TTLL5: variants seen among roughly 807,000 people sequenced by gnomAD.
TTLL5 encodes the protein tubulin polyglutamylase TTLL5.
TTLL5 carries 132 observed loss-of-function variants against 168.4 expected under a neutral mutation model. The ratio of observed to expected loss-of-function variants is 0.78; its 90% CI spans 0.68 to 0.91. The LOEUF (loss-of-function observed/expected upper bound fraction) is 0.91. Among genes scored for constraint, TTLL5 ranks in the 40% least tolerant of loss-of-function variants. The pLI, the probability that TTLL5 is intolerant of heterozygous loss-of-function variation, is 0.00. For missense variants in TTLL5, 1,545 were observed against 1,581.5 expected (o/e 0.98, Z 0.39); for synonymous variants, 546 against 558.6 (o/e 0.98, Z 0.32).
At chr14:75,878,485 T>G (rs1369460255) in intron 29 of TTLL5, among the ~76,000 whole-genome samples, 1 of 152,214 alleles carries the variant, frequency 6.6e-6, no homozygotes, top group African/African-American at 2.4e-5. Context: ...CAGCCGAGTC[T>G]GCCCATTTAA....
chr14:75,841,144 C>T (rs544603141), intron 28 of TTLL5, among the ~76,000 whole-genome samples: 1 of 152,330 alleles, frequency 6.6e-6, no homozygotes, highest in South Asian at 2.1e-4. Context: ...ATCCAATCAC[C>T]TCCCACCAGG....
At chr14:75,680,993 C>G (rs1247054010) in intron 3 of TTLL5, among the ~76,000 whole-genome samples, 4 of 151,944 alleles carry the variant, frequency 2.6e-5, no homozygotes, top group African/African-American at 7.3e-5. Flanking sequence ...AGCCCATGGG[C>G]CTCTTCGCAG....
intron 6 of TTLL5, among the ~76,000 whole-genome samples, chr14:75,690,760 C>T (rs556277309): frequency 7.2e-5 from 11 of 152,126 alleles, no homozygotes; most frequent in African/African-American, 2.6e-4. Context: ...GCTGGGAATA[C>T]AGGCATGCAC....
intron 18 of TTLL5, among the ~76,000 whole-genome samples, chr14:75,759,252 T>C (rs1890477976): frequency 6.6e-6 from 1 of 152,188 alleles, no homozygotes; most frequent in Non-Finnish European, 1.5e-5. Flanking sequence ...AGCAACTTTA[T>C]TCCATTACTT....
At chr14:75,914,033 A>AAAAAAAAAAAAAAAAAAAATATAT in intron 31 of TTLL5, among the ~76,000 whole-genome samples, 1 of 71,118 alleles carries the variant, frequency 1.4e-5, no homozygotes, top group Non-Finnish European at 2.1e-5. Flanking sequence ...AAAAAAAAAA[A>AAAAAAAAAAAAAAAAAAAATATAT]ATATATATAT....
chr14:75,838,301 T>C (rs1202565131), intron 28 of TTLL5: 2 of 151,086 alleles, frequency 1.3e-5, no homozygotes, highest in African/African-American at 4.9e-5. Context: ...ACACCTGTAA[T>C]CCCAGCACTT....
chr14:75,924,592 G>T (rs914863548), intron 31 of TTLL5, among the ~76,000 whole-genome samples: 1 of 151,852 alleles, frequency 6.6e-6, no homozygotes, highest in Non-Finnish European at 1.5e-5. Context: ...GAGAGCACAG[G>T]GTTGGGGGTA....
At position 75,954,745 on chromosome 14, in the gene TTLL5, A is replaced by C; in HGVS notation, c.*299A>C. ...GTATCTTTTACCTTCCCTTTGCCCCATGCCCCCAAACTGCTTAGGTCTTCT... is the reference window on the plus strand; with the variant it reads ...GTATCTTTTACCTTCCCTTTGCCCCCTGCCCCCAAACTGCTTAGGTCTTCT... On this transcript the variant is annotated 3_prime_UTR_variant, in exon 32 of 32. Coordinates refer to ENST00000298832, the MANE Select transcript of TTLL5 (RefSeq NM_015072.5). 2.3e-6 allele frequency: 1 copy of C among 441,352 alleles called. No homozygotes were observed. Among genetic ancestry groups the C allele is most frequent in the Non-Finnish European group, 4.1e-6 (1 of 244,500 alleles). The allele number at this position is 441,352 out of a possible 1,614,324, so 27.3% of individuals were successfully genotyped here. A position where few individuals can be genotyped will look rare whatever the true frequency, so the allele number is the denominator to read the frequency against.
chr14:75,925,646 G>T lies in TTLL5; in HGVS notation c.3823+23422G>T, dbSNP rs2034023742. On this transcript the variant is annotated intron_variant, in intron 31 of 31. Coordinates refer to ENST00000298832, the MANE Select transcript of TTLL5 (RefSeq NM_015072.5). ...GAGACGCTCCTCACTTCCCAGACGGGCTGGGGGCCCGGCAGAGGCTGCAAT... is the reference window on the plus strand; with the variant it reads ...GAGACGCTCCTCACTTCCCAGACGGTCTGGGGGCCCGGCAGAGGCTGCAAT... Among the ~76,000 whole-genome samples the T allele has an allele frequency of 1.3e-5, 2 of 152,036 alleles. 1 individual carries two copies. The highest frequency in any genetic ancestry group is 1.3e-4 in the Admixed American group (2 of 15,284).
intron 31 of TTLL5, chr14:75,904,195 A>T: frequency 8.6e-7 from 1 of 1,163,006 alleles, no homozygotes; most frequent in South Asian, 1.7e-5. Context: ...TATTCACCTC[A>T]CTCCTCCAAA....
At chr14:75,727,768 A>G (rs1000434258) in intron 12 of TTLL5, 1 of 467,738 alleles carries the variant, frequency 2.1e-6, no homozygotes. Flanking sequence ...TCAAAAGAGT[A>G]TATACCATAT....
At chr14:75,837,057 T>A (rs541888949) in intron 28 of TTLL5, 2 of 152,208 alleles carry the variant, frequency 1.3e-5, no homozygotes, top group Non-Finnish European at 2.9e-5. Context: ...CTGTAAGAAT[T>A]GAGGAGCAGC....
intron 31 of TTLL5, among the ~76,000 whole-genome samples, chr14:75,933,076 A>G (rs1184588289): frequency 6.6e-6 from 1 of 152,248 alleles, no homozygotes; most frequent in East Asian, 1.9e-4. Flanking sequence ...TCTAGTTAAT[A>G]CAGTTTTTTA....
chr14:75,771,697 C>G, intron 20 of TTLL5, 37 bp from the exon 21 acceptor site: 4 of 1,611,718 alleles, frequency 2.5e-6, no homozygotes, highest in Non-Finnish European at 3.4e-6. Context: ...TTTTACACTT[C>G]TGTCACATAA....
intron 3 of TTLL5, among the ~76,000 whole-genome samples, chr14:75,674,909 A>G (rs1884019966): frequency 6.6e-6 from 1 of 152,038 alleles, no homozygotes; most frequent in Non-Finnish European, 1.5e-5. Context: ...TTCCACATTT[A>G]CTCAATATAA....
chr14:75,821,649 T>C (rs1202498070), intron 28 of TTLL5, among the ~76,000 whole-genome samples: 1 of 152,160 alleles, frequency 6.6e-6, no homozygotes, highest in Non-Finnish European at 1.5e-5. Flanking sequence ...TGTGGCTGGG[T>C]TTAGAGCTTT....
At chr14:75,666,794 G>C (rs1331760827) in intron 2 of TTLL5, among the ~76,000 whole-genome samples, 2 of 152,206 alleles carry the variant, frequency 1.3e-5, no homozygotes. Flanking sequence ...TCCCAGGAGT[G>C]AATGATGTCT....
At chr14:75,700,670 A>G (rs1461880585) in intron 7 of TTLL5, among the ~76,000 whole-genome samples, 1 of 152,178 alleles carries the variant, frequency 6.6e-6, no homozygotes, top group Admixed American at 6.5e-5. Flanking sequence ...GCCCTCTTCC[A>G]CGTGTACTTT....
chr14:75,906,459 G>A (rs537628445), intron 31 of TTLL5: 135 of 892,928 alleles, frequency 1.5e-4, no homozygotes, highest in Non-Finnish European at 1.8e-4. Flanking sequence ...CTGGGGGAAC[G>A]GTGATCCCCT....
Sources: gnomAD v4.1 joint callset for allele counts (sites outside exome capture counted in the v4.1 genomes callset) on GRCh38, gnomAD v4.1.1 for gene constraint, MANE v1.5 for transcripts, NCBI Gene and HGNC (gene_info 2026-07-23, HGNC 2026-07-21) for gene names.